The following TIAM2 variants were observed in gnomAD, a reference collection of about 807,000 sequenced individuals.
The protein encoded by TIAM2 is rho guanine nucleotide exchange factor TIAM2.
TIAM2 carries 80 observed loss-of-function variants against 152.9 expected under a neutral mutation model. The observed-to-expected ratio is 0.52, with a 90% CI of 0.44 to 0.63. The LOEUF (loss-of-function observed/expected upper bound fraction) is 0.63, where lower values mean the gene tolerates loss of function less well. TIAM2 is among the 30% of genes least tolerant of loss of function. The probability of loss-of-function intolerance (pLI) is 0.00; values close to 1 mark genes in which losing one functional copy is unlikely to be tolerated. For synonymous variants in TIAM2, 804 were observed against 838.0 expected, an observed-to-expected ratio of 0.96 and a Z score of 0.70; for missense variants, 1,965 against 2,120.1, an observed-to-expected ratio of 0.93 and a Z score of 1.44.
At chr6:155,004,032 C>G (rs1778359161) in intron 1 of TIAM2, among the ~76,000 whole-genome samples, 1 of 152,202 alleles carries the variant, frequency 6.6e-6, no homozygotes, top group South Asian at 2.1e-4. Flanking sequence ...TGACTTTTAT[C>G]AGTGCCTTTG....
chr6:155,061,518 A>C (rs1777579062), intron 1 of TIAM2, among the ~76,000 whole-genome samples: 1 of 152,180 alleles, frequency 6.6e-6, no homozygotes, highest in African/African-American at 2.4e-5. Flanking sequence ...CGCGTTGTTT[A>C]CGATTTATTA....
chr6:155,015,349 A>G (rs1778554788), intron 1 of TIAM2, among the ~76,000 whole-genome samples: 1 of 152,128 alleles, frequency 6.6e-6, no homozygotes, highest in African/African-American at 2.4e-5. Context: ...AGCAGGCTCT[A>G]TGGGAAGTGC....
At chr6:155,051,384 G>T (rs1777314321) in intron 1 of TIAM2, among the ~76,000 whole-genome samples, 1 of 152,158 alleles carries the variant, frequency 6.6e-6, no homozygotes, top group Non-Finnish European at 1.5e-5. Context: ...GCAGTAGCAG[G>T]CCCAATACAT....
At chr6:155,253,746 A>T (rs1008582391) in intron 24 of TIAM2, 18 of 474,244 alleles carry the variant, frequency 3.8e-5, no homozygotes, top group African/African-American at 3.4e-4. Flanking sequence ...GGGTGAAGGC[A>T]GTTCAGATGG....
chr6:155,184,849 T>A (rs2115149761), intron 14 of TIAM2, among the ~76,000 whole-genome samples: 1 of 152,346 alleles, frequency 6.6e-6, no homozygotes, highest in East Asian at 1.9e-4. Context: ...AAAGTGAATG[T>A]CATAAAACAA....
At chr6:155,202,586 CT>C (rs34052608) in intron 14 of TIAM2, among the ~76,000 whole-genome samples, 5,333 of 133,956 alleles carry the variant, frequency 0.04, 127 homozygotes, top group Non-Finnish European at 0.044. Flanking sequence ...ACCTGGATAA[CT>C]TTTTTTTTTT....
chr6:155,245,817 AGAGT>A, intron 19 of TIAM2, 86 bp downstream of exon 19: 3 of 918,592 alleles, frequency 3.3e-6, no homozygotes, highest in Non-Finnish European at 4.9e-6. Flanking sequence ...TAACAAGTAG[AGAGT>A]AAGTACAATT....
chr6:155,053,630 C>G (rs1421307357), intron 1 of TIAM2, among the ~76,000 whole-genome samples: 1 of 152,016 alleles, frequency 6.6e-6, no homozygotes, highest in Non-Finnish European at 1.5e-5. Context: ...GCCACCATGC[C>G]CAGCTAATTT....
At chr6:155,115,642 G>C (rs960051219) in intron 2 of TIAM2, among the ~76,000 whole-genome samples, 1 of 152,138 alleles carries the variant, frequency 6.6e-6, no homozygotes, top group African/African-American at 2.4e-5. Context: ...GATAGAGCAA[G>C]ACCCTGGCAA....
At chr6:155,209,146 A>T (rs1051990032) in intron 14 of TIAM2, among the ~76,000 whole-genome samples, 1 of 151,384 alleles carries the variant, frequency 6.6e-6, no homozygotes, top group Admixed American at 6.6e-5. Flanking sequence ...TCCTCATATC[A>T]TCTGTGACCC....
intron 1 of TIAM2, among the ~76,000 whole-genome samples, chr6:155,005,902 G>C (rs1778393300): frequency 6.6e-6 from 1 of 152,142 alleles, no homozygotes; most frequent in Non-Finnish European, 1.5e-5. Flanking sequence ...TGCCTGCCTC[G>C]GCATCCCAAA....
intron 1 of TIAM2, among the ~76,000 whole-genome samples, chr6:155,002,023 A>C (rs539154954): frequency 6.0e-4 from 91 of 152,358 alleles, no homozygotes; most frequent in Non-Finnish European, 2.4e-4. Context: ...TCTAGTAAAG[A>C]GCATTCTGTG....
intron 14 of TIAM2, among the ~76,000 whole-genome samples, chr6:155,195,030 C>G (rs1781305555): frequency 6.6e-6 from 1 of 152,206 alleles, no homozygotes; most frequent in African/African-American, 2.4e-5. Context: ...CCTCCGCAGC[C>G]CTGCGGAACT....
chr6:155,092,317 C>A (rs1778324267), intron 2 of TIAM2, among the ~76,000 whole-genome samples: 2 of 151,960 alleles, frequency 1.3e-5, no homozygotes, highest in African/African-American at 4.8e-5. Context: ...AGGCTGGTCT[C>A]AATCTCCTGG....
Position 155,236,587 on chromosome 6 carries a change from C to T in TIAM2, c.3169-3943C>T, listed in dbSNP as rs868671666. Among the ~76,000 whole-genome samples the T allele has an allele frequency of 4.6e-5, 7 of 152,212 alleles. 1 individual carries two copies. Among genetic ancestry groups the T allele is most frequent in the Middle Eastern group, 3.4e-3 (1 of 294 alleles). On this transcript the variant is annotated intron_variant, in intron 15 of 26. Transcript: ENST00000682666. ...CTGAGGCAGGAGAATTGCTTGCACCCGGGAGGCAGAGGTTGCAGTGAGCTG... is the reference window on the plus strand; with the variant it reads ...CTGAGGCAGGAGAATTGCTTGCACCTGGGAGGCAGAGGTTGCAGTGAGCTG...
chr6:155,006,233 C>T lies in TIAM2; in HGVS notation c.-209+10741C>T, dbSNP rs903496933. Among the ~76,000 whole-genome samples, 9 of 152,242 alleles carry T rather than the reference C, an allele frequency of 5.9e-5. No homozygotes were observed. The South Asian group carries it at 8.3e-4, about 14-fold the overall frequency. ...CCCTGACGTTGAGGTCAGTGGGGAA[C>T]CAGATACACTCTAATGCTGCCCACA... On this transcript the variant is annotated intron_variant, in intron 1 of 26. Transcript: ENST00000682666.
At chr6:155,254,648 C>T in intron 26 of TIAM2, 75 bp downstream of exon 26, 1 of 1,543,198 alleles carries the variant, frequency 6.5e-7, no homozygotes, top group Non-Finnish European at 8.9e-7. Flanking sequence ...GCTCTTGTAA[C>T]ATAGCTGTGA....
chr6:155,028,926 GTATATACTATATATACTATGTTATA>G (rs1776716364), intron 1 of TIAM2, among the ~76,000 whole-genome samples: 4 of 71,168 alleles, frequency 5.6e-5, no homozygotes, highest in African/African-American at 2.2e-4. Flanking sequence ...TATATACACT[GTATATACTATATATACTATGTTATA>G]TATACACTGT....
At chr6:155,086,708 G>GAAAAA (rs10667680) in intron 1 of TIAM2, among the ~76,000 whole-genome samples, 9 of 133,500 alleles carry the variant, frequency 6.7e-5, no homozygotes, top group African/African-American at 2.5e-4. Flanking sequence ...CTCCATCTTG[G>GAAAAA]AAAAAAAAAA....
Sources: allele counts gnomAD v4.1 joint callset (sites outside exome capture counted in the v4.1 genomes callset), GRCh38; gene constraint gnomAD v4.1.1; transcripts MANE v1.5; gene names NCBI Gene and HGNC (gene_info 2026-07-23, HGNC 2026-07-21).